CACNB4: variants seen among roughly 807,000 people sequenced by gnomAD.
CACNB4 encodes calcium voltage-gated channel auxiliary subunit beta 4, also known as voltage-dependent L-type calcium channel subunit beta-4.
In CACNB4, 32 loss-of-function variants were observed where a neutral mutation model predicts 71.2. The ratio of observed to expected loss-of-function variants is 0.45; its 90% confidence interval spans 0.34 to 0.60. The LOEUF (loss-of-function observed/expected upper bound fraction) is 0.60. Ranked by LOEUF, CACNB4 falls within the 20% of genes least tolerant of loss-of-function variation. The probability of loss-of-function intolerance (pLI) is 0.01; values close to 1 mark genes in which losing one functional copy is unlikely to be tolerated. For missense variants in CACNB4, 464 were observed against 647.9 expected, an observed-to-expected ratio of 0.72 and a Z score of 3.08; for synonymous variants, 231 against 236.9, an observed-to-expected ratio of 0.97 and a Z score of 0.23.
chr2:151,952,940 G>A (rs77877849), intron 2 of CACNB4, among the ~76,000 whole-genome samples: 6,505 of 152,270 alleles, frequency 0.043, 191 homozygotes, highest in Non-Finnish European at 0.063. Context: ...GTCTTCAAGC[G>A]TTCAGACTGG....
At chr2:151,973,475 A>T (rs539984104) in intron 2 of CACNB4, 16 of 590,790 alleles carry the variant, frequency 2.7e-5, no homozygotes, top group African/African-American at 2.4e-4. Flanking sequence ...TTTTTGCTTG[A>T]CAATAAATAA....
At chr2:151,874,597 G>A (rs769753120) in intron 5 of CACNB4, among the ~76,000 whole-genome samples, 2 of 152,084 alleles carry the variant, frequency 1.3e-5, no homozygotes, top group Non-Finnish European at 2.9e-5. Flanking sequence ...CTATACTTTT[G>A]TGATCTCCTA....
chr2:151,904,075 G>A (rs2099854150), intron 2 of CACNB4, among the ~76,000 whole-genome samples: 1 of 152,146 alleles, frequency 6.6e-6, no homozygotes, highest in South Asian at 2.1e-4. Flanking sequence ...GACACTCAGA[G>A]TTGCGTTCAA....
intron 2 of CACNB4, among the ~76,000 whole-genome samples, chr2:151,979,527 A>G (rs2099874367): frequency 6.6e-6 from 1 of 152,040 alleles, no homozygotes; most frequent in Non-Finnish European, 1.5e-5. Context: ...CATGAATGCT[A>G]CCCAACTTTA....
intron 2 of CACNB4, among the ~76,000 whole-genome samples, chr2:151,927,466 C>T (rs1476200298): frequency 6.6e-6 from 1 of 152,214 alleles, no homozygotes; most frequent in Non-Finnish European, 1.5e-5. Flanking sequence ...ATTCTGATTG[C>T]TCCCATCTTC....
Position 152,098,244 on chromosome 2 carries a change from C to A in CACNB4, c.147+86G>T, listed in dbSNP as rs1389952227. 2.8e-6 allele frequency: 3 copies of A among 1,065,168 alleles called. No homozygotes were observed. The highest frequency in any genetic ancestry group is 4.3e-6 in the Non-Finnish European group (3 of 692,620). The allele number at this position is 1,065,168 out of a possible 1,614,324, so 66.0% of individuals were successfully genotyped here. A position where few individuals can be genotyped will look rare whatever the true frequency, so the allele number is the denominator to read the frequency against. The stretch of plus-strand genomic sequence containing the variant: ...GCGCGGGCTTGACCCGCAGCTCCCG[C>A]ACGTGTGGGCCACGGCCGGCTCCAG... On this transcript the variant is annotated intron_variant, in intron 2 of 13. Coordinates refer to ENST00000539935, the MANE Select transcript of CACNB4 (RefSeq NM_000726.5). This position sits in a 1 kb window ranked among gnomAD's most constrained non-coding sequence, Gnocchi z 5.3.
At position 151,842,067 on chromosome 2, in the gene CACNB4, C is replaced by G; in HGVS notation, c.1138G>C (p.Asp380His). Residue 380 changes from aspartate (D) to histidine (H), a missense_variant, in exon 13 of 14, where the codon GAT becomes CAT. Coordinates refer to ENST00000539935, the MANE Select transcript of CACNB4 (RefSeq NM_000726.5). ...CPPEMFDVIL[D>H]ENQLEDACEH... is the part of the protein sequence containing the mutation. Reference sequence around the variant, plus strand: ...CATGCATCCTCAAGCTGATTTTCATCCAATATAACATCAAACATTTCCTGT... The same window carrying G: ...CATGCATCCTCAAGCTGATTTTCATGCAATATAACATCAAACATTTCCTGT... The G allele has an allele frequency of 1.9e-6, 3 of 1,613,794 alleles. No individual in the cohort carries two copies. Among genetic ancestry groups the G allele is most frequent in the Non-Finnish European group, 2.5e-6 (3 of 1,179,786 alleles).
chr2:152,015,784 ACT>A (rs1376766941), intron 2 of CACNB4, among the ~76,000 whole-genome samples: 5 of 152,022 alleles, frequency 3.3e-5, no homozygotes, highest in Admixed American at 2.0e-4. Flanking sequence ...TGAGAAATAA[ACT>A]CTGGTTGTCA....
At chr2:151,856,106 A>G (rs2099840228) in intron 10 of CACNB4, among the ~76,000 whole-genome samples, 2 of 151,472 alleles carry the variant, frequency 1.3e-5, no homozygotes, top group Non-Finnish European at 2.9e-5. Context: ...GCATGAGTCT[A>G]GTCAAATGAA....
At chr2:152,082,267 C>T (rs1015252966) in intron 2 of CACNB4, among the ~76,000 whole-genome samples, 2 of 152,164 alleles carry the variant, frequency 1.3e-5, no homozygotes, top group Non-Finnish European at 2.9e-5. Context: ...CTGTAAACTC[C>T]ACATCATCTC....
At chr2:152,071,018 G>A (rs189220007) in intron 2 of CACNB4, among the ~76,000 whole-genome samples, 279 of 152,324 alleles carry the variant, frequency 1.8e-3, no homozygotes, top group Non-Finnish European at 3.2e-3. Flanking sequence ...TGCCTGCCTC[G>A]GCTTCCCAGA....
chr2:152,082,625 T>C (rs1397254763), intron 2 of CACNB4, among the ~76,000 whole-genome samples: 1 of 152,182 alleles, frequency 6.6e-6, no homozygotes, highest in Non-Finnish European at 1.5e-5. Context: ...GGTTACCTAG[T>C]CCTCCCCATT....
intron 9 of CACNB4, chr2:151,868,513 T>A (rs1375649989): frequency 6.6e-6 from 1 of 152,146 alleles, no homozygotes; most frequent in East Asian, 1.9e-4. Flanking sequence ...TCTTTAGAAT[T>A]TTTCACAAAA....
At chr2:152,092,141 T>G (rs1389364698) in intron 2 of CACNB4, among the ~76,000 whole-genome samples, 1 of 152,236 alleles carries the variant, frequency 6.6e-6, no homozygotes, top group African/African-American at 2.4e-5. Context: ...ATGACCTTTA[T>G]GTCCTTGGGC....
At chr2:151,880,477 C>A (rs1172831127) in intron 4 of CACNB4, 2 of 341,738 alleles carry the variant, frequency 5.9e-6, no homozygotes, top group African/African-American at 4.4e-5. Flanking sequence ...TTACATTTTC[C>A]AAAGTTGGAT....
At chr2:152,011,050 GA>G (rs982309021) in intron 2 of CACNB4, among the ~76,000 whole-genome samples, 6 of 152,140 alleles carry the variant, frequency 3.9e-5, no homozygotes, top group African/African-American at 1.4e-4. Context: ...TAGGGTCGAA[GA>G]AAATCAAAAC....
In CACNB4 at chr2:152,045,293, T is replaced by C. The variant is rs140165075; in HGVS notation, c.147+53037A>G. 2.9e-3 allele frequency among the ~76,000 whole-genome samples: 444 copies of C among 152,008 alleles called. 4 individuals carry two copies. The highest frequency in any genetic ancestry group is 0.01 in the African/African-American group (426 of 41,446). On this transcript the variant is annotated intron_variant, in intron 2 of 13. Transcript: ENST00000539935. ...GTCCAAGTGTCCATCAACAGAGGAG[T>C]AGCTAAAGACAATGTGGTATATACA...
chr2:151,883,595 T>G (rs562989200), intron 2 of CACNB4: 2 of 535,028 alleles, frequency 3.7e-6, no homozygotes, highest in African/African-American at 3.8e-5. Flanking sequence ...GATTAAGTGC[T>G]AGGAAGTAAA....
chr2:151,839,632 A>G (rs990495503), intron 13 of CACNB4, among the ~76,000 whole-genome samples: 1 of 152,226 alleles, frequency 6.6e-6, no homozygotes, highest in African/African-American at 2.4e-5. Context: ...TCCTATTACA[A>G]ATGTAGAATT....
Sources: allele counts gnomAD v4.1 joint callset (sites outside exome capture counted in the v4.1 genomes callset), GRCh38; gene constraint gnomAD v4.1.1; non-coding constraint Gnocchi (gnomAD v3.1); transcripts MANE v1.5; gene names NCBI Gene and HGNC (gene_info 2026-07-23, HGNC 2026-07-21).